CAMTA1: variants seen among roughly 807,000 people sequenced by gnomAD.
CAMTA1 encodes calmodulin-binding transcription activator 1.
A neutral mutation model predicts 170.9 loss-of-function variants in CAMTA1; 27 were observed. The observed-to-expected ratio is 0.16, with a 90% CI of 0.12 to 0.22. The LOEUF (loss-of-function observed/expected upper bound fraction) is 0.22, where lower values mean the gene tolerates loss of function less well. CAMTA1 is among the 10% of genes least tolerant of loss of function. CAMTA1 has a pLI of 1.00. For synonymous variants in CAMTA1, 833 were observed against 891.5 expected, an observed-to-expected ratio of 0.93 and a Z score of 1.17; for missense variants, 1,619 against 2,217.2, an observed-to-expected ratio of 0.73 and a Z score of 5.42.
At chr1:6,811,869 A>G (rs1645206590) in intron 1 of CAMTA1, among the ~76,000 whole-genome samples, 1 of 152,174 alleles carries the variant, frequency 6.6e-6, no homozygotes, top group African/African-American at 2.4e-5. Context: ...CTGTTACGAG[A>G]AACAGTGTCA....
chr1:6,880,383 G>GTTTTTTTTTTTTTTTTTTTTT (rs34745856), intron 3 of CAMTA1, among the ~76,000 whole-genome samples: 2 of 67,194 alleles, frequency 3.0e-5, no homozygotes, highest in African/African-American at 1.2e-4. Flanking sequence ...CTCTAAAAGT[G>GTTTTTTTTTTTTTTTTTTTTT]TTTTTTTTTT....
In CAMTA1 at chr1:7,585,361, G is replaced by T. The variant is rs74055159; in HGVS notation, c.511-55039G>T. 5.5e-3 allele frequency among the ~76,000 whole-genome samples: 842 copies of T among 152,290 alleles called. 6 individuals are homozygous for T. The highest frequency in any genetic ancestry group is 0.02 in the African/African-American group (818 of 41,550). ...AGCCCTGAGAGCGGTGGGATGGGCT[G>T]GGAGCAGATCTAGGGAATGGCAGTC... On this transcript the variant is annotated intron_variant, in intron 6 of 22. Transcript: ENST00000303635. The surrounding 1 kb of genome is among the most constrained non-coding windows in gnomAD (Gnocchi z 4.8).
chr1:7,536,031 C>A (rs1185228732), intron 6 of CAMTA1, among the ~76,000 whole-genome samples: 1 of 152,194 alleles, frequency 6.6e-6, no homozygotes, highest in African/African-American at 2.4e-5. Context: ...AATTGTAAAT[C>A]CTTTATGTAT....
At chr1:7,429,797 T>G (rs994953016) in intron 5 of CAMTA1, among the ~76,000 whole-genome samples, 2 of 152,160 alleles carry the variant, frequency 1.3e-5, no homozygotes, top group African/African-American at 4.8e-5. Flanking sequence ...GCATAGTGGC[T>G]TCTGGGGAGG....
At chr1:7,380,412 TA>T (rs962591197) in intron 5 of CAMTA1, among the ~76,000 whole-genome samples, 6 of 152,040 alleles carry the variant, frequency 3.9e-5, no homozygotes, top group Non-Finnish European at 8.8e-5. Context: ...CCGTCTCTAC[TA>T]AAAATACAAA....
chr1:7,696,457 G>A (rs1460377202), intron 11 of CAMTA1, among the ~76,000 whole-genome samples: 2 of 149,976 alleles, frequency 1.3e-5, no homozygotes, highest in South Asian at 2.1e-4. Flanking sequence ...GCCTCCCAAA[G>A]TGCTGGGATT....
chr1:6,935,681 A>G (rs183934292), intron 3 of CAMTA1, among the ~76,000 whole-genome samples: 7 of 152,330 alleles, frequency 4.6e-5, no homozygotes, highest in Non-Finnish European at 8.8e-5. Context: ...TAAAGAAAAC[A>G]TTTGCAAAAA....
chr1:6,955,043 TCTG>T (rs983245606), intron 3 of CAMTA1, among the ~76,000 whole-genome samples: 5 of 152,110 alleles, frequency 3.3e-5, no homozygotes, highest in African/African-American at 1.2e-4. Context: ...TCAATTTTTG[TCTG>T]CGGCTCTGGC....
At chr1:7,753,914 C>T (rs926915562) in intron 21 of CAMTA1, among the ~76,000 whole-genome samples, 11 of 152,226 alleles carry the variant, frequency 7.2e-5, no homozygotes, top group Non-Finnish European at 1.0e-4. Flanking sequence ...ATCCCCAAAA[C>T]GGGTATGGCT....
At chr1:6,962,007 G>T (rs1690508032) in intron 3 of CAMTA1, among the ~76,000 whole-genome samples, 3 of 152,320 alleles carry the variant, frequency 2.0e-5, no homozygotes, top group Admixed American at 6.5e-5. Flanking sequence ...TGCCCTGTCG[G>T]GTCAAAGCCA....
At chr1:7,589,401 T>C (rs1049742456) in intron 6 of CAMTA1, among the ~76,000 whole-genome samples, 1 of 152,212 alleles carries the variant, frequency 6.6e-6, no homozygotes, top group Admixed American at 6.5e-5. Flanking sequence ...TCAATTTTCC[T>C]GTGACATTTT....
rs1244269546 is a variant in CAMTA1 at position 7,585,087 on chromosome 1, C to T, written c.511-55313C>T. Among the ~76,000 whole-genome samples the T allele has an allele frequency of 6.6e-6, 1 of 152,108 alleles. No homozygotes were observed. The highest frequency in any genetic ancestry group is 2.4e-5 in the African/African-American group (1 of 41,394). ...GCAGCAAAATTTATGAATATTCACA[C>T]AAAGAGGGATGAACTGAGACTATAA... is the stretch of plus-strand genomic sequence containing the variant. On this transcript the variant is annotated intron_variant, in intron 6 of 22. Transcript: ENST00000303635. The surrounding 1 kb of genome is among the most constrained non-coding windows in gnomAD (Gnocchi z 4.8).
chr1:7,461,309 C>T (rs2093082631), intron 5 of CAMTA1, among the ~76,000 whole-genome samples: 1 of 152,132 alleles, frequency 6.6e-6, no homozygotes, highest in Non-Finnish European at 1.5e-5. Context: ...CCCCTGGGGT[C>T]CCAAGCTCCC....
chr1:7,156,275 CAAA>C (rs34284954), intron 4 of CAMTA1, among the ~76,000 whole-genome samples: 5 of 114,778 alleles, frequency 4.4e-5, no homozygotes, highest in Non-Finnish European at 3.8e-5. Context: ...AACTCCACCT[CAAA>C]AAAAAAAAAA....
At chr1:7,424,308 C>T (rs1341493503) in intron 5 of CAMTA1, among the ~76,000 whole-genome samples, 1 of 152,192 alleles carries the variant, frequency 6.6e-6, no homozygotes, top group Non-Finnish European at 1.5e-5. Flanking sequence ...TCCTCCCCAA[C>T]CCACTTCCTC....
At chr1:7,485,762 T>G (rs76809212) in intron 6 of CAMTA1, among the ~76,000 whole-genome samples, 3,447 of 152,342 alleles carry the variant, frequency 0.023, 63 homozygotes, top group South Asian at 0.056. Flanking sequence ...GGCCAATGAC[T>G]TATCCAGGGA....
At chr1:7,239,058 C>T (rs1664397494) in intron 4 of CAMTA1, among the ~76,000 whole-genome samples, 1 of 152,134 alleles carries the variant, frequency 6.6e-6, no homozygotes, top group African/African-American at 2.4e-5. Flanking sequence ...TCTTTGAATT[C>T]TTCTTGTTAT....
chr1:7,429,074 ATGCTCTT>A (rs1214176202), intron 5 of CAMTA1, among the ~76,000 whole-genome samples: 3 of 152,076 alleles, frequency 2.0e-5, no homozygotes, highest in Non-Finnish European at 4.4e-5. Flanking sequence ...CTTCCACGAA[ATGCTCTT>A]CCATTTGAGA....
At chr1:7,747,636 G>T (rs779494669) in intron 18 of CAMTA1, 74 bp from the exon 19 acceptor site, 24 of 946,128 alleles carry the variant, frequency 2.5e-5, no homozygotes, top group Non-Finnish European at 3.2e-5. Flanking sequence ...TGCATTAAAT[G>T]AGTAGTAATA....
Sources: gnomAD v4.1 joint callset for allele counts (sites outside exome capture counted in the v4.1 genomes callset) on GRCh38, gnomAD v4.1.1 for gene constraint, Gnocchi (gnomAD v3.1) non-coding constraint, MANE v1.5 for transcripts, NCBI Gene and HGNC (gene_info 2026-07-23, HGNC 2026-07-21) for gene names.